Variants in FER1L6 observed in about 807,000 individuals in gnomAD.
FER1L6 encodes the protein fer-1 like family member 6, also known as fer-1-like protein 6.
A neutral mutation model predicts 219.2 loss-of-function variants in FER1L6; 177 were observed. The observed-to-expected ratio is 0.81, with a 90% CI of 0.71 to 0.91. The LOEUF is 0.91. FER1L6 is among the 40% of genes least tolerant of loss of function. The pLI is 0.00. For missense variants in FER1L6, 2,153 were observed against 2,259.9 expected (o/e 0.95, Z 0.96); for synonymous variants, 768 against 824.3 (o/e 0.93, Z 1.17).
At chr8:124,104,454 G>A (rs148466754) in intron 39 of FER1L6, among the ~76,000 whole-genome samples, 1 of 152,310 alleles carries the variant, frequency 6.6e-6, no homozygotes, top group Non-Finnish European at 1.5e-5. Context: ...GGATGCAATT[G>A]TCCTGATGGA....
chr8:124,070,437 T>G (rs1193071619), intron 29 of FER1L6, 30 bp from the exon 30 acceptor site: 10 of 1,610,422 alleles, frequency 6.2e-6, no homozygotes, highest in Non-Finnish European at 6.8e-6. Flanking sequence ...TTCCTTCCTC[T>G]TAGCACAATC....
intron 12 of FER1L6, among the ~76,000 whole-genome samples, chr8:123,999,462 G>A (rs1275758950): frequency 3.3e-5 from 5 of 152,112 alleles, no homozygotes; most frequent in African/African-American, 7.2e-5. Flanking sequence ...CCTGGCCAAC[G>A]TGGTGAAACC....
At chr8:124,018,029 T>C (rs1818278941) in intron 16 of FER1L6, among the ~76,000 whole-genome samples, 1 of 152,174 alleles carries the variant, frequency 6.6e-6, no homozygotes, top group African/African-American at 2.4e-5. Context: ...GACTCACAAG[T>C]CAAGAGATCA....
At chr8:123,887,658 G>A (rs752719395) in intron 1 of FER1L6, among the ~76,000 whole-genome samples, 33 of 151,668 alleles carry the variant, frequency 2.2e-4, no homozygotes, top group Admixed American at 9.9e-4. Flanking sequence ...CACCCTGACT[G>A]TTTCAGTATA....
At chr8:123,975,772 G>C in intron 8 of FER1L6, 126 bp from the exon 9 acceptor site, 4 of 757,764 alleles carry the variant, frequency 5.3e-6, no homozygotes, top group Non-Finnish European at 8.5e-6. Context: ...TTTCAGCAAT[G>C]AATCTTACTC....
In FER1L6 at chr8:124,119,599, C is replaced by G; in HGVS notation, c.5391-8C>G. ...CCCCTTTTTGATTTTCTCTTCCTTC[C>G]CCCTCAGCCGCCCAGACACCTCCTT... is the stretch of plus-strand genomic sequence containing the variant. On this transcript the variant is annotated splice_polypyrimidine_tract_variant and splice_region_variant and intron_variant, in intron 40 of 40. Transcript: ENST00000522917. 1 of 1,600,484 alleles carries G rather than the reference C, an allele frequency of 6.2e-7. No individual in the cohort carries two copies. The highest frequency in any genetic ancestry group is 8.6e-7 in the Non-Finnish European group (1 of 1,168,532).
At chr8:124,069,191 C>T (rs1462370294) in intron 28 of FER1L6, among the ~76,000 whole-genome samples, 169 bp from the exon 29 acceptor site, 1 of 152,198 alleles carries the variant, frequency 6.6e-6, no homozygotes, top group African/African-American at 2.4e-5. Flanking sequence ...CTGCCTCAGC[C>T]TCCCAAAGTG....
intron 34 of FER1L6, among the ~76,000 whole-genome samples, chr8:124,093,706 ATTTCTTG>A (rs926677980): frequency 3.5e-4 from 18 of 50,834 alleles, no homozygotes; most frequent in Middle Eastern, 0.011. Flanking sequence ...TTATTCATTG[ATTTCTTG>A]TTTGTCTCTA....
chr8:123,941,099 G>A (rs1253340840), intron 1 of FER1L6, among the ~76,000 whole-genome samples: 3 of 152,190 alleles, frequency 2.0e-5, no homozygotes, highest in African/African-American at 7.2e-5. Context: ...TACATGCTGG[G>A]TGCTGGGGTG....
intron 11 of FER1L6, among the ~76,000 whole-genome samples, chr8:123,983,767 T>C (rs529159566): frequency 2.0e-4 from 31 of 152,336 alleles, no homozygotes; most frequent in African/African-American, 6.3e-4. Context: ...ATTTGATAAA[T>C]GAATATATGC....
rs968725120 is a variant in FER1L6, at chr8:123,890,461, T to G, written c.-8+38276T>G. The stretch of plus-strand genomic sequence containing the variant: ...TATACATATATATAAATAATTGATG[T>G]TTTAAAGTTTTTATTGGAAGGCTTT... On this transcript the variant is annotated intron_variant, in intron 1 of 40. Transcript: ENST00000522917. 2.0e-5 allele frequency among the ~76,000 whole-genome samples: 3 copies of G among 151,818 alleles called. No homozygotes were observed. The East Asian group carries it at 5.8e-4, about 29-fold the overall frequency.
At chr8:123,929,913 C>T (rs1813705505) in intron 1 of FER1L6, among the ~76,000 whole-genome samples, 1 of 151,228 alleles carries the variant, frequency 6.6e-6, no homozygotes, top group South Asian at 2.1e-4. Flanking sequence ...ATGACTGAGT[C>T]GTTCCTAGCC....
At chr8:123,961,880 C>CTTT (rs1295109025) in intron 2 of FER1L6, among the ~76,000 whole-genome samples, 5 of 129,190 alleles carry the variant, frequency 3.9e-5, no homozygotes, top group Admixed American at 7.9e-5. Context: ...TGTTTGTTTT[C>CTTT]TTTTTTTTTT....
chr8:124,060,434 G>A, intron 23 of FER1L6, 114 bp from the exon 24 acceptor site: 1 of 1,472,578 alleles, frequency 6.8e-7, no homozygotes, highest in Non-Finnish European at 9.3e-7. Flanking sequence ...TTCTTTCCTG[G>A]AGGAACACAG....
chr8:124,087,694 C>T (rs6470217), intron 33 of FER1L6, among the ~76,000 whole-genome samples: 1 of 152,006 alleles, frequency 6.6e-6, no homozygotes, highest in South Asian at 2.1e-4. Context: ...TTGCAGTCTG[C>T]GCTTGTTTGT....
At position 123,978,010 on chromosome 8, in the gene FER1L6, C is replaced by A. The variant is rs150671702; in HGVS notation, c.1063+401C>A. On this transcript the variant is annotated intron_variant, in intron 10 of 40. Transcript: ENST00000522917. ...TCCATGGCTCTGGGCGGTCAGGAGC[C>A]CCTGGGTTAGAGCACCTTCCAGGTA... is the stretch of plus-strand genomic sequence containing the variant. 4.3e-4 allele frequency among the ~76,000 whole-genome samples: 65 copies of A among 152,204 alleles called. No individual in the cohort carries two copies. The South Asian group carries it at 4.8e-3, about 11-fold the overall frequency.
rs113620334 is a variant in FER1L6 at position 124,072,159 on chromosome 8, G to A, written c.4092+528G>A. ...GCAGGAGAGGGAACCAAATAGGAGG[G>A]AAGCAGGAAACTACAGGAAAGACGG... On this transcript the variant is annotated intron_variant, in intron 31 of 40. Coordinates refer to ENST00000522917, the MANE Select transcript of FER1L6 (RefSeq NM_001039112.2). 5.3e-3 allele frequency among the ~76,000 whole-genome samples: 803 copies of A among 152,314 alleles called. 16 individuals carry two copies. The highest frequency in any genetic ancestry group is 0.018 in the African/African-American group (765 of 41,558).
At chr8:124,091,950 G>C (rs1822052283) in intron 34 of FER1L6, among the ~76,000 whole-genome samples, 1 of 136,410 alleles carries the variant, frequency 7.3e-6, no homozygotes, top group Non-Finnish European at 1.5e-5. Context: ...CTGAACAACA[G>C]AGTGGGACTC....
chr8:124,031,167 C>T (rs1184170833), intron 18 of FER1L6, among the ~76,000 whole-genome samples: 1 of 151,976 alleles, frequency 6.6e-6, no homozygotes, highest in Non-Finnish European at 1.5e-5. Flanking sequence ...CAAGGGAGAG[C>T]TTTCCCTTGG....
Sources: gnomAD v4.1 joint callset for allele counts (sites outside exome capture counted in the v4.1 genomes callset) on GRCh38, gnomAD v4.1.1 for gene constraint, MANE v1.5 for transcripts, NCBI Gene and HGNC (gene_info 2026-07-23, HGNC 2026-07-21) for gene names.